Variants in GFRA2 observed in about 807,000 individuals in gnomAD.
GFRA2 encodes the protein GDNF family receptor alpha-2.
A neutral mutation model predicts 48.3 loss-of-function variants in GFRA2; 17 were observed. That is an observed-to-expected ratio of 0.35 (90% CI 0.24 to 0.53). The LOEUF (loss-of-function observed/expected upper bound fraction) is 0.53. GFRA2 is among the 20% of genes least tolerant of loss of function. GFRA2 has a pLI of 0.93. For missense variants in GFRA2, 660 were observed against 637.3 expected, an observed-to-expected ratio of 1.04 and a Z score of -0.38; for synonymous variants, 305 against 257.2, an observed-to-expected ratio of 1.19 and a Z score of -1.78.
chr8:21,777,809 A>G (rs1197569586), intron 2 of GFRA2, among the ~76,000 whole-genome samples: 2 of 152,148 alleles, frequency 1.3e-5, no homozygotes, highest in African/African-American at 2.4e-5. Context: ...GGGTCCTGCC[A>G]CGAGCTTGCT....
chr8:21,782,518 GC>G, intron 2 of GFRA2, 66 bp downstream of exon 2: 1 of 1,228,792 alleles, frequency 8.1e-7, no homozygotes. Flanking sequence ...TGAACCCCTG[GC>G]CCGCCACACG....
chr8:21,693,597 C>T (rs1466119363), intron 8 of GFRA2, among the ~76,000 whole-genome samples, 197 bp from the exon 9 acceptor site: 1 of 151,978 alleles, frequency 6.6e-6, no homozygotes, highest in Non-Finnish European at 1.5e-5. Flanking sequence ...CAGGCAGGAG[C>T]AGAAGGGAAT....
At chr8:21,787,273 A>AGGGGGGGGGGGGGG (rs1585344097) in intron 1 of GFRA2, among the ~76,000 whole-genome samples, 29 of 51,812 alleles carry the variant, frequency 5.6e-4, no homozygotes, top group Admixed American at 5.7e-4. Flanking sequence ...CGGGGGGGGC[A>AGGGGGGGGGGGGGG]GTGGGGGGGG....
chr8:21,707,935 G>C (rs532499038), intron 4 of GFRA2, among the ~76,000 whole-genome samples: 64 of 152,316 alleles, frequency 4.2e-4, no homozygotes, highest in Non-Finnish European at 7.6e-4. Context: ...AATGCTCCGT[G>C]AGATCTGACA....
Position 21,788,472 on chromosome 8 carries a change from A to C in GFRA2, c.-313T>G. On this transcript the variant is annotated 5_prime_UTR_variant, in exon 1 of 9. Transcript: ENST00000524240. ...GTCCTGGGGTCAGCCCTCCCCTCCA[A>C]TCGTCCGGGAAGGCGTGAGTCCCCG... is the stretch of plus-strand genomic sequence containing the variant. 13 of 1,096,930 alleles carry C rather than the reference A, an allele frequency of 1.2e-5. No individual in the cohort carries two copies. Among genetic ancestry groups the C allele is most frequent in the Non-Finnish European group, 1.1e-5 (10 of 902,692 alleles). 67.9% of individuals were successfully genotyped at this position (1,096,930 alleles called of 1,614,324 possible).
At position 21,706,479 on chromosome 8, in the gene GFRA2, A is replaced by G; in HGVS notation, c.795-438T>C. 1.5e-5 allele frequency: 7 copies of G among 457,250 alleles called. 1 individual carries two copies. In the Middle Eastern group the frequency reaches 1.9e-3, roughly 127 times the overall value. The allele number at this position is 457,250 out of a possible 1,614,324, so 28.3% of individuals were successfully genotyped here. ...GGCACTGCAAAATCCCACCAGCAAAACAGGTGACTAGTCCCTTCCCTAGAT... is the reference window on the plus strand; with the variant it reads ...GGCACTGCAAAATCCCACCAGCAAAGCAGGTGACTAGTCCCTTCCCTAGAT... On this transcript the variant is annotated intron_variant, in intron 4 of 8. Coordinates refer to ENST00000524240, the MANE Select transcript of GFRA2 (RefSeq NM_001495.5).
At chr8:21,748,783 G>A (rs2098146545) in intron 4 of GFRA2, among the ~76,000 whole-genome samples, 1 of 152,084 alleles carries the variant, frequency 6.6e-6, no homozygotes, top group African/African-American at 2.4e-5. Context: ...ATAAACACCT[G>A]CACCCACTAC....
Position 21,788,151 on chromosome 8 carries a change from C to G in GFRA2, c.9G>C (p.Leu3Phe). Residue 3 changes from leucine (L) to phenylalanine (F), a missense_variant, in exon 1 of 9, where the codon TTG becomes TTC. Coordinates refer to ENST00000524240, the MANE Select transcript of GFRA2 (RefSeq NM_001495.5). The stretch of plus-strand genomic sequence containing the variant: ...AGAAGAAGAGGCAGAAGACGTTTGC[C>G]AAGATCATGTTAAATAAATCCCACC... MILANVFCLFFFL... is the reference protein window; with the variant it reads MIFANVFCLFFFL... 6.2e-7 allele frequency: 1 copy of G among 1,603,394 alleles called. No individual in the cohort carries two copies. The highest frequency in any genetic ancestry group is 8.5e-7 in the Non-Finnish European group (1 of 1,175,200).
At chr8:21,710,825 C>T (rs1802985962) in intron 4 of GFRA2, among the ~76,000 whole-genome samples, 1 of 152,240 alleles carries the variant, frequency 6.6e-6, no homozygotes, top group African/African-American at 2.4e-5. Context: ...TCTGTTCCTC[C>T]ATTGCGCCAT....
chr8:21,780,542 C>T (rs1271945644), intron 2 of GFRA2, among the ~76,000 whole-genome samples: 1 of 152,164 alleles, frequency 6.6e-6, no homozygotes, highest in Non-Finnish European at 1.5e-5. Context: ...TGGTTTCTAC[C>T]TGCAGGCTCA....
chr8:21,740,598 C>T (rs190339752), intron 4 of GFRA2, among the ~76,000 whole-genome samples: 50 of 152,344 alleles, frequency 3.3e-4, no homozygotes, highest in Admixed American at 1.8e-3. Flanking sequence ...TGGGCACTGA[C>T]AGGGTGCCAG....
intron 3 of GFRA2, among the ~76,000 whole-genome samples, chr8:21,765,882 C>T (rs147148630): frequency 0.96 from 146,600 of 152,086 alleles, 70,828 homozygotes; most frequent in African/African-American, 0.99. Context: ...TCCTTTCAAC[C>T]CCACCTCCAA....
intron 4 of GFRA2, among the ~76,000 whole-genome samples, chr8:21,742,880 G>C (rs1287142161): frequency 6.6e-6 from 1 of 152,218 alleles, no homozygotes; most frequent in Admixed American, 6.5e-5. Flanking sequence ...CTGGAGCCCA[G>C]ATGCCTTGAG....
chr8:21,720,683 T>G (rs1803552478), intron 4 of GFRA2, among the ~76,000 whole-genome samples: 1 of 152,184 alleles, frequency 6.6e-6, no homozygotes, highest in Non-Finnish European at 1.5e-5. Flanking sequence ...TTGCTTCCCT[T>G]GCTGAGAAAG....
At chr8:21,694,155 A>G (rs1306144894) in intron 8 of GFRA2, among the ~76,000 whole-genome samples, 1 of 147,918 alleles carries the variant, frequency 6.8e-6, no homozygotes, top group Non-Finnish European at 1.5e-5. Flanking sequence ...GTGCCTCCTA[A>G]ATATCACAGC....
intron 4 of GFRA2, among the ~76,000 whole-genome samples, chr8:21,712,422 A>G (rs2117402860): frequency 6.6e-6 from 1 of 151,150 alleles, no homozygotes; most frequent in South Asian, 2.1e-4. Context: ...GGCCGGGCAG[A>G]GACGCTCCTC....
At chr8:21,730,167 G>T (rs188413663) in intron 4 of GFRA2, among the ~76,000 whole-genome samples, 1 of 152,284 alleles carries the variant, frequency 6.6e-6, no homozygotes, top group African/African-American at 2.4e-5. Context: ...CACTTTGGGA[G>T]GCTGAGGTGG....
chr8:21,692,642 G>C lies in GFRA2; in HGVS notation c.*636C>G, dbSNP rs1053557996. The C allele has an allele frequency of 6.6e-6, 1 of 152,054 alleles. No individual in the cohort carries two copies. The highest frequency in any genetic ancestry group is 6.5e-5 in the Admixed American group (1 of 15,268). The allele number at this position is 152,054 out of a possible 1,614,324, so 9.4% of individuals were successfully genotyped here. A position where few individuals can be genotyped will look rare whatever the true frequency, so the allele number is the denominator to read the frequency against. On this transcript the variant is annotated 3_prime_UTR_variant, in exon 9 of 9. Transcript: ENST00000524240. ...AGCTGGCCCCCAGCCCCAACACTCC[G>C]TGCTACAGTCAGGGGGAGCCCAGCA...
At chr8:21,759,986 G>A (rs947491591) in intron 3 of GFRA2, among the ~76,000 whole-genome samples, 2 of 151,966 alleles carry the variant, frequency 1.3e-5, no homozygotes, top group Admixed American at 1.3e-4. Flanking sequence ...TGGCGGGCAG[G>A]AATGGACCAC....
Sources: gnomAD v4.1 joint callset for allele counts (sites outside exome capture counted in the v4.1 genomes callset) on GRCh38, gnomAD v4.1.1 for gene constraint, MANE v1.5 for transcripts, NCBI Gene and HGNC (gene_info 2026-07-23, HGNC 2026-07-21) for gene names.